The following RANBP2 variants were observed in gnomAD, a reference collection of about 807,000 sequenced individuals.
RANBP2 encodes the protein RAN binding protein 2.
In RANBP2, 57 loss-of-function variants were observed where a neutral mutation model predicts 303.6. The ratio of observed to expected loss-of-function variants is 0.19; its 90% confidence interval spans 0.15 to 0.23. RANBP2 has a LOEUF of 0.23. Ranked by LOEUF, RANBP2 falls within the 10% of genes least tolerant of loss-of-function variation. The pLI, the probability that RANBP2 is intolerant of heterozygous loss-of-function variation, is 1.00. For synonymous variants in RANBP2, 1,167 were observed against 1,301.5 expected, an observed-to-expected ratio of 0.90 and a Z score of 2.23; for missense variants, 3,138 against 3,780.8, an observed-to-expected ratio of 0.83 and a Z score of 4.46.
chr2:109,639,655 G>A, the RANBP2 span, among the ~76,000 whole-genome samples: 31,903 of 151,530 alleles, frequency 0.21, 3,903 homozygotes, highest in Admixed American at 0.34. Context: ...AAAATGGGCT[G>A]TAATCTCAAG....
the RANBP2 span, among the ~76,000 whole-genome samples, chr2:108,959,379 C>T: frequency 2.6e-5 from 4 of 152,228 alleles, no homozygotes; most frequent in African/African-American, 9.6e-5. Flanking sequence ...AATCAGAGCT[C>T]CCCAGTGTCT....
intron 18 of RANBP2, among the ~76,000 whole-genome samples, chr2:108,761,631 G>A (rs1414432377): frequency 2.0e-5 from 3 of 152,056 alleles, no homozygotes; most frequent in Non-Finnish European, 4.4e-5. Context: ...TTTGTCAGGT[G>A]ATTTTTGAGC....
At chr2:109,371,222 C>T in the RANBP2 span, among the ~76,000 whole-genome samples, 1 of 152,168 alleles carries the variant, frequency 6.6e-6, no homozygotes, top group Non-Finnish European at 1.5e-5. Flanking sequence ...GACACCATCT[C>T]TACCAAAAAA....
At chr2:109,471,226 A>G in the RANBP2 span, among the ~76,000 whole-genome samples, 1 of 150,950 alleles carries the variant, frequency 6.6e-6, no homozygotes, top group Non-Finnish European at 1.5e-5. Flanking sequence ...AAAAAAAAAA[A>G]AAAAAGAAAT....
chr2:109,402,085 G>A, the RANBP2 span, among the ~76,000 whole-genome samples: 1 of 152,236 alleles, frequency 6.6e-6, no homozygotes, highest in Non-Finnish European at 1.5e-5. Flanking sequence ...AGGGGCACCT[G>A]GTGCAGGTGT....
chr2:109,358,870 A>G, the RANBP2 span, among the ~76,000 whole-genome samples: 1 of 152,178 alleles, frequency 6.6e-6, no homozygotes, highest in Non-Finnish European at 1.5e-5. Context: ...ACCCAAGATC[A>G]TCTAGATTTT....
the RANBP2 span, chr2:108,794,618 CTG>C: frequency 6.2e-7 from 1 of 1,613,958 alleles, no homozygotes; most frequent in African/African-American, 1.3e-5. Context: ...CCTTTGAAAC[CTG>C]TCAGCTGTCC....
chr2:109,462,922 C>T, the RANBP2 span, among the ~76,000 whole-genome samples: 6,870 of 152,260 alleles, frequency 0.045, 457 homozygotes, highest in African/African-American at 0.14. Flanking sequence ...ATCCAGTGTC[C>T]AGCTGTCCCT....
At chr2:108,761,915 G>A (rs3872500) in intron 18 of RANBP2, among the ~76,000 whole-genome samples, 186 bp from the exon 19 acceptor site, 3 of 151,936 alleles carry the variant, frequency 2.0e-5, no homozygotes, top group East Asian at 1.9e-4. Flanking sequence ...ATATTTAGCA[G>A]TTTTTTTCTA....
the RANBP2 span, among the ~76,000 whole-genome samples, chr2:109,324,915 C>T: frequency 6.6e-6 from 1 of 152,198 alleles, no homozygotes; most frequent in Non-Finnish European, 1.5e-5. Flanking sequence ...TTCCCCAAAC[C>T]CTCTCCTCTT....
At chr2:109,283,711 T>G in the RANBP2 span, among the ~76,000 whole-genome samples, 1 of 152,110 alleles carries the variant, frequency 6.6e-6, no homozygotes, top group African/African-American at 2.4e-5. Flanking sequence ...AATTTGAGAA[T>G]TGGGGATGCT....
chr2:108,743,079 G>A (rs535845993), intron 7 of RANBP2, among the ~76,000 whole-genome samples: 6 of 152,174 alleles, frequency 3.9e-5, no homozygotes, highest in East Asian at 3.9e-4. Context: ...GTGAGCCACC[G>A]CGCCCTGCCA....
the RANBP2 span, among the ~76,000 whole-genome samples, chr2:108,954,873 G>A: frequency 1.3e-5 from 2 of 151,792 alleles, no homozygotes; most frequent in South Asian, 2.1e-4. Flanking sequence ...TAATTGAGAC[G>A]GGATTTCACC....
In RANBP2 at chr2:108,781,221, A is replaced by G. The variant is rs756241043; in HGVS notation, c.8600-48A>G. 15 of 1,590,850 alleles carry G rather than the reference A, an allele frequency of 9.4e-6. No homozygotes were observed. In the South Asian group the frequency reaches 1.7e-4, roughly 18 times the overall value. On this transcript the variant is annotated intron_variant, in intron 25 of 28. Coordinates refer to ENST00000283195, the MANE Select transcript of RANBP2 (RefSeq NM_006267.5). ...TGATAAAATAAGAGGGGGATGAAAAATGTAAAAAATAGATACTAGTGTTTA... is the reference window on the plus strand; with the variant it reads ...TGATAAAATAAGAGGGGGATGAAAAGTGTAAAAAATAGATACTAGTGTTTA...
At chr2:108,788,996 A>T (rs756473948), downstream of RANBP2, 3 of 1,611,874 alleles carry the variant, frequency 1.9e-6, no homozygotes, top group South Asian at 3.3e-5. Flanking sequence ...TACTGTTGCT[A>T]CCCCCTCAGT....
chr2:108,908,412 C>A, the RANBP2 span, among the ~76,000 whole-genome samples: 3 of 152,224 alleles, frequency 2.0e-5, no homozygotes, highest in Admixed American at 1.3e-4. Context: ...CAACTGGTGT[C>A]TTCATGTTAA....
chr2:108,879,631 T>G, the RANBP2 span, among the ~76,000 whole-genome samples: 3 of 152,188 alleles, frequency 2.0e-5, no homozygotes, highest in African/African-American at 7.2e-5. Flanking sequence ...GTTTTTAGTA[T>G]ATTATTATTA....
the RANBP2 span, among the ~76,000 whole-genome samples, chr2:109,723,974 T>G: frequency 6.6e-6 from 1 of 152,342 alleles, no homozygotes; most frequent in Middle Eastern, 3.4e-3. Flanking sequence ...CCAGTTTCAA[T>G]TTTCTGCTTA....
the RANBP2 span, among the ~76,000 whole-genome samples, chr2:109,199,330 A>ATAAAATAAATAAAATAAAT: frequency 4.7e-5 from 7 of 150,468 alleles, no homozygotes; most frequent in Admixed American, 1.3e-4. Context: ...TCAAAAAGTA[A>ATAAAATAAATAAAATAAAT]AATGGAATGG....
Sources: allele counts gnomAD v4.1 joint callset (sites outside exome capture counted in the v4.1 genomes callset), GRCh38; gene constraint gnomAD v4.1.1; transcripts MANE v1.5; gene names NCBI Gene and HGNC (gene_info 2026-07-23, HGNC 2026-07-21).